IMMP2L: variants seen among roughly 807,000 people sequenced by gnomAD.
The protein encoded by IMMP2L is inner mitochondrial membrane peptidase subunit 2, also known as mitochondrial inner membrane protease subunit 2.
Under a neutral mutation model 19.3 loss-of-function variants are expected in IMMP2L, and 18 were observed. That is an observed-to-expected ratio of 0.93 (90% CI 0.64 to 1.38). The LOEUF (loss-of-function observed/expected upper bound fraction) is 1.38. Among genes scored for constraint, IMMP2L ranks in the 40% most tolerant of loss-of-function variants. The pLI is 0.00. For synonymous variants in IMMP2L, 76 were observed against 73.0 expected (o/e 1.04, Z -0.21); for missense variants, 233 against 218.2 (o/e 1.07, Z -0.43).
chr7:111,186,155 G>A (rs1808241522), intron 3 of IMMP2L, among the ~76,000 whole-genome samples: 1 of 152,084 alleles, frequency 6.6e-6, no homozygotes, highest in Non-Finnish European at 1.5e-5. Context: ...TGTATTCTGA[G>A]AAGAGTTGTA....
At chr7:110,805,851 C>T (rs1044857196) in intron 5 of IMMP2L, among the ~76,000 whole-genome samples, 1 of 151,852 alleles carries the variant, frequency 6.6e-6, no homozygotes, top group South Asian at 2.1e-4. Flanking sequence ...AACCTAATGA[C>T]GTGGTATAAT....
intron 3 of IMMP2L, among the ~76,000 whole-genome samples, chr7:111,366,344 G>GAAAAAAAAAAA (rs34751093): frequency 8.5e-6 from 1 of 118,024 alleles, no homozygotes; most frequent in Non-Finnish European, 1.8e-5. Context: ...AAAAAAGAAA[G>GAAAAAAAAAAA]AAAAAAAAAA....
rs925623077 is a variant in IMMP2L, at chr7:110,704,093, C to T, written c.409-40372G>A. Among the ~76,000 whole-genome samples, 8 of 152,098 alleles carry T rather than the reference C, an allele frequency of 5.3e-5. No individual in the cohort carries two copies. The East Asian group carries it at 5.8e-4, about 11-fold the overall frequency. Reference sequence around the variant, plus strand: ...TGATCTCCTGACCTCATGATCCACCCGCCTTGGCCTCCCAAAGTGCTGGCA... The same window carrying T: ...TGATCTCCTGACCTCATGATCCACCTGCCTTGGCCTCCCAAAGTGCTGGCA... On this transcript the variant is annotated intron_variant, in intron 5 of 5. Coordinates refer to ENST00000405709, the MANE Select transcript of IMMP2L (RefSeq NM_032549.4).
At chr7:111,278,473 G>C (rs762729662) in intron 3 of IMMP2L, among the ~76,000 whole-genome samples, 22 of 152,118 alleles carry the variant, frequency 1.4e-4, no homozygotes, top group Admixed American at 5.2e-4. Flanking sequence ...AGTCAGATCA[G>C]ATAGTTTTAA....
intron 5 of IMMP2L, among the ~76,000 whole-genome samples, chr7:110,853,009 G>A (rs1360544548): frequency 6.6e-6 from 1 of 151,948 alleles, no homozygotes; most frequent in South Asian, 2.1e-4. Context: ...ATCTTGAGTT[G>A]GTTATGCAGC....
intron 3 of IMMP2L, among the ~76,000 whole-genome samples, chr7:111,026,862 T>A (rs1826881971): frequency 6.6e-6 from 1 of 152,170 alleles, no homozygotes; most frequent in Non-Finnish European, 1.5e-5. Flanking sequence ...TGGGGGTAGA[T>A]AATGCTGGTT....
At chr7:111,091,779 G>A (rs1796889489) in intron 3 of IMMP2L, among the ~76,000 whole-genome samples, 1 of 151,710 alleles carries the variant, frequency 6.6e-6, no homozygotes, top group South Asian at 2.1e-4. Context: ...AGTGTTGGGG[G>A]GAGGAGAAAA....
chr7:110,702,721 C>T (rs1345843100), intron 5 of IMMP2L, among the ~76,000 whole-genome samples: 1 of 152,000 alleles, frequency 6.6e-6, no homozygotes, highest in Non-Finnish European at 1.5e-5. Flanking sequence ...TTGTTTATTG[C>T]TAGTATAGAG....
intron 3 of IMMP2L, among the ~76,000 whole-genome samples, chr7:110,994,112 T>C (rs1487133969): frequency 2.6e-5 from 4 of 152,030 alleles, no homozygotes; most frequent in South Asian, 2.1e-4. Flanking sequence ...ATTGATTCCT[T>C]AAGTATTCAT....
chr7:111,036,824 T>C (rs916007223), intron 3 of IMMP2L, among the ~76,000 whole-genome samples: 5 of 152,214 alleles, frequency 3.3e-5, no homozygotes, highest in African/African-American at 9.6e-5. Flanking sequence ...TGTTCAAAAC[T>C]GGGGTCACTT....
intron 5 of IMMP2L, among the ~76,000 whole-genome samples, chr7:110,828,420 A>G (rs528760330): frequency 7.2e-5 from 11 of 152,230 alleles, no homozygotes; most frequent in Admixed American, 2.6e-4. Context: ...GTGTGATCTT[A>G]AGCAAACTGC....
chr7:111,110,718 T>C (rs1326349537), intron 3 of IMMP2L, among the ~76,000 whole-genome samples: 1 of 152,202 alleles, frequency 6.6e-6, no homozygotes, highest in African/African-American at 2.4e-5. Flanking sequence ...GACTGAGCAA[T>C]GTGAACTATT....
At chr7:111,025,854 T>G (rs888650332) in intron 3 of IMMP2L, among the ~76,000 whole-genome samples, 2 of 152,208 alleles carry the variant, frequency 1.3e-5, no homozygotes, top group Non-Finnish European at 1.5e-5. Flanking sequence ...GTTTTAACAT[T>G]GTTTCCTCAG....
chr7:111,378,546 C>T (rs554213689), intron 3 of IMMP2L, among the ~76,000 whole-genome samples: 14 of 151,998 alleles, frequency 9.2e-5, no homozygotes, highest in African/African-American at 2.9e-4. Context: ...CCAAGGGCAC[C>T]GCTGTAGTTG....
intron 3 of IMMP2L, chr7:111,390,816 T>C (rs568426598): frequency 6.6e-6 from 1 of 152,248 alleles, no homozygotes; most frequent in African/African-American, 2.4e-5. Context: ...GCAGTGGGGC[T>C]AAATTTCAAT....
At chr7:111,055,135 CAA>C (rs1371784467) in intron 3 of IMMP2L, among the ~76,000 whole-genome samples, 3 of 151,880 alleles carry the variant, frequency 2.0e-5, no homozygotes, top group African/African-American at 7.2e-5. Flanking sequence ...ACTGCAGTCT[CAA>C]ACTCTTGGGC....
chr7:110,978,196 C>T (rs1431780285), intron 3 of IMMP2L, among the ~76,000 whole-genome samples: 1 of 151,966 alleles, frequency 6.6e-6, no homozygotes, highest in East Asian at 1.9e-4. Flanking sequence ...ACTACTTAGT[C>T]TCATATTCAC....
At chr7:111,448,224 G>C (rs868731673) in intron 3 of IMMP2L, among the ~76,000 whole-genome samples, 1 of 122,546 alleles carries the variant, frequency 8.2e-6, no homozygotes, top group Non-Finnish European at 1.6e-5. Context: ...GACATCTACA[G>C]AACTCTCCAC....
intron 4 of IMMP2L, among the ~76,000 whole-genome samples, chr7:110,922,844 C>A (rs1814441699): frequency 6.6e-6 from 1 of 152,136 alleles, no homozygotes; most frequent in Admixed American, 6.6e-5. Flanking sequence ...TTTTTCTCAT[C>A]AGATTGATTG....
Sources: allele counts gnomAD v4.1 joint callset (sites outside exome capture counted in the v4.1 genomes callset), GRCh38; gene constraint gnomAD v4.1.1; transcripts MANE v1.5; gene names NCBI Gene and HGNC (gene_info 2026-07-23, HGNC 2026-07-21).